Variants in SSX2IP observed in about 807,000 individuals in gnomAD.
SSX2IP encodes afadin- and alpha-actinin-binding protein.
In SSX2IP, 55 loss-of-function variants were observed where a neutral mutation model predicts 84.9. That is an observed-to-expected ratio of 0.65 (90% confidence interval 0.52 to 0.81). SSX2IP has a LOEUF of 0.81. Among genes scored for constraint, SSX2IP ranks in the 30% least tolerant of loss-of-function variants. The pLI, the probability that SSX2IP is intolerant of heterozygous loss-of-function variation, is 0.00. For missense variants in SSX2IP, 664 were observed against 705.2 expected (o/e 0.94, Z 0.66); for synonymous variants, 239 against 234.7 (o/e 1.02, Z -0.17).
intron 1 of SSX2IP, among the ~76,000 whole-genome samples, chr1:84,676,471 T>C (rs143375977): frequency 6.6e-6 from 1 of 152,306 alleles, no homozygotes; most frequent in East Asian, 1.9e-4. Flanking sequence ...TATGTCACTA[T>C]GGGTTGCAAA....
intron 5 of SSX2IP, among the ~76,000 whole-genome samples, chr1:84,665,636 C>T (rs1049308389): frequency 6.6e-6 from 1 of 152,116 alleles, no homozygotes; most frequent in African/African-American, 2.4e-5. Flanking sequence ...AAGCAGAAAT[C>T]AGAATTGTAT....
rs1339894248 is a variant in SSX2IP at position 84,666,158 on chromosome 1, C to G, written c.501G>C (p.Arg167Ser). ...ERDRQLQCKN[R>S]NLHQLLKNEK... Reference sequence around the variant, plus strand: ...CATTCTTTAGTAGCTGATGCAAATTCCTGTTCTTACATTGTAACTGTCTGT... The same window carrying G: ...CATTCTTTAGTAGCTGATGCAAATTGCTGTTCTTACATTGTAACTGTCTGT... The change falls in exon 5 of 14, where the codon AGG becomes AGC. Residue 167 changes from arginine to serine, a missense_variant. Arg to Ser is a moderately radical substitution (Grantham distance 110, BLOSUM62 -1). Transcript: ENST00000342203. 6.2e-7 allele frequency: 1 copy of G among 1,612,394 alleles called. No individual in the cohort carries two copies.
chr1:84,659,522 G>A lies in SSX2IP; in HGVS notation c.928-1054C>T, dbSNP rs191723500. 7.6e-4 allele frequency among the ~76,000 whole-genome samples: 115 copies of A among 152,238 alleles called. 1 individual carries two copies. The highest frequency in any genetic ancestry group is 3.4e-3 in the Middle Eastern group (1 of 294). On this transcript the variant is annotated intron_variant, in intron 8 of 13. Transcript: ENST00000342203. ...CTGTTAGAAAAATTATTGGCCGGGC[G>A]CGGTGGCTCATGCCTGTATGTAATC...
intron 2 of SSX2IP, 32 bp from the exon 3 acceptor site, chr1:84,670,847 T>C (rs1318276371): frequency 6.5e-7 from 1 of 1,541,716 alleles, no homozygotes; most frequent in Non-Finnish European, 8.8e-7. Flanking sequence ...ATATAAATAA[T>C]TTAGAAAAAC....
In SSX2IP at chr1:84,662,393, A is replaced by G. The variant is rs1398254214; in HGVS notation, c.750-18T>C. On this transcript the variant is annotated intron_variant, in intron 7 of 13. Coordinates refer to ENST00000342203, the MANE Select transcript of SSX2IP (RefSeq NM_001166293.2). ...CTTCATTCCTGAGAAAGAAACTGTC[A>G]GTATGAAAATGCAGGATAGAAGGAA... 1.9e-6 allele frequency: 3 copies of G among 1,606,736 alleles called. No homozygotes were observed. In the Admixed American group the frequency reaches 5.1e-5, roughly 27 times the overall value.
intron 6 of SSX2IP, among the ~76,000 whole-genome samples, chr1:84,663,769 C>T (rs2102348965): frequency 6.6e-6 from 1 of 152,332 alleles, no homozygotes. Context: ...TAAATACACA[C>T]ACTTCTTGTG....
At chr1:84,651,365 A>C (rs1193022990) in intron 12 of SSX2IP, among the ~76,000 whole-genome samples, 3 of 152,114 alleles carry the variant, frequency 2.0e-5, no homozygotes, top group African/African-American at 4.8e-5. Flanking sequence ...ACAAACTCAC[A>C]ACAAAAGTTA....
chr1:84,676,719 C>CTTTTTTTT (rs61017474), intron 1 of SSX2IP, among the ~76,000 whole-genome samples: 3,323 of 99,372 alleles, frequency 0.033, 251 homozygotes, highest in East Asian at 0.11. Context: ...TGCTCTTTTC[C>CTTTTTTTT]TTTTTTTTTT....
intron 9 of SSX2IP, 149 bp downstream of exon 9, chr1:84,658,169 A>G (rs1651403469): frequency 1.3e-6 from 1 of 762,708 alleles, no homozygotes. Context: ...AAATGAAAAA[A>G]TAAATGTATG....
chr1:84,662,220 C>T lies in SSX2IP; in HGVS notation c.905G>A (p.Arg302Lys), dbSNP rs1280015641. The change falls in exon 8 of 14, where the codon AGA becomes AAA. Residue 302 changes from arginine to lysine, a missense_variant. Physicochemically the swap from Arg to Lys is conservative, Grantham distance 26 (BLOSUM62 2). Transcript: ENST00000342203. ...LSPQKKKPRE[R>K]VDDSTGTVIS... ...TACAGTTCCTGTACTATCATCTACTCTTTCTCTAGGTTTCTTCTTTTGGGG... is the reference window on the plus strand; with the variant it reads ...TACAGTTCCTGTACTATCATCTACTTTTTCTCTAGGTTTCTTCTTTTGGGG... The T allele has an allele frequency of 1.3e-6, 2 of 1,598,170 alleles. No homozygotes were observed. Among genetic ancestry groups the T allele is most frequent in the African/African-American group, 2.7e-5 (2 of 73,762 alleles).
chr1:84,651,737 CA>C (rs894961349), intron 12 of SSX2IP, 145 bp downstream of exon 12: 48 of 562,970 alleles, frequency 8.5e-5, no homozygotes, highest in South Asian at 1.2e-4. Context: ...CAAAAACAAA[CA>C]AAAAAAAGTT....
chr1:84,670,536 G>A (rs1340694947), intron 3 of SSX2IP, 110 bp downstream of exon 3: 3 of 680,412 alleles, frequency 4.4e-6, no homozygotes, highest in Non-Finnish European at 6.8e-6. Context: ...AAGTCTCAGG[G>A]GCACTACATA....
intron 1 of SSX2IP, among the ~76,000 whole-genome samples, chr1:84,676,815 C>CGGGTTCA (rs1557519542): frequency 1.3e-5 from 2 of 150,588 alleles, no homozygotes; most frequent in East Asian, 3.9e-4. Context: ...CTCAGCCTCC[C>CGGGTTCA]GGGTTCAAGC....
rs556635916 is a variant in SSX2IP, at chr1:84,676,753, C to T, written c.-89-5445G>A. The stretch of plus-strand genomic sequence containing the variant: ...TTTTTTTTTTTTTGAAACGGAGTCT[C>T]GCTCTGTCACCCAGGCTGGAGTACA... On this transcript the variant is annotated intron_variant, in intron 1 of 13. Transcript: ENST00000342203. Among the ~76,000 whole-genome samples, 8 of 103,814 alleles carry T rather than the reference C, an allele frequency of 7.7e-5. No homozygotes were observed. The East Asian group carries it at 1.0e-3, about 13-fold the overall frequency. 68.1% of individuals were successfully genotyped at this position (103,814 alleles called of 152,430 possible). A position where few individuals can be genotyped will look rare whatever the true frequency, so the allele number is the denominator to read the frequency against.
intron 1 of SSX2IP, among the ~76,000 whole-genome samples, chr1:84,689,102 G>T (rs1656215799): frequency 6.6e-6 from 1 of 152,198 alleles, no homozygotes; most frequent in African/African-American, 2.4e-5. Context: ...ATAGTTTTAG[G>T]ATAAGAGATC....
intron 1 of SSX2IP, among the ~76,000 whole-genome samples, chr1:84,681,095 T>C (rs1186717644): frequency 6.6e-6 from 1 of 152,178 alleles, no homozygotes; most frequent in Non-Finnish European, 1.5e-5. Flanking sequence ...GTCAATTATG[T>C]AAGGGAAATA....
At chr1:84,682,357 C>A (rs1004389626) in intron 1 of SSX2IP, among the ~76,000 whole-genome samples, 1 of 152,132 alleles carries the variant, frequency 6.6e-6, no homozygotes, top group African/African-American at 2.4e-5. Context: ...TTGAACCGGT[C>A]ATAATTTCTT....
Position 84,671,189 on chromosome 1 carries a change from C to G in SSX2IP, c.31G>C (p.Gly11Arg), listed in dbSNP as rs1653524030. The change falls in exon 2 of 14, where the codon GGT (glycine) becomes CGT (arginine). Residue 11 changes from glycine to arginine, a missense_variant. Gly to Arg is a moderately radical substitution (Grantham distance 125, BLOSUM62 -2). Transcript: ENST00000342203. The part of the protein sequence containing the change: MGDWMTVTDP[G>R]LSSESKTISQ... ...TAGACTTAATTACCTGAAGACAGAC[C>G]TGGATCTGTAACAGTCATCCAATCT... 1 of 1,611,348 alleles carries G rather than the reference C, an allele frequency of 6.2e-7. No homozygotes were observed. The highest frequency in any genetic ancestry group is 1.3e-5 in the African/African-American group (1 of 74,896).
intron 1 of SSX2IP, chr1:84,680,393 A>G (rs1449625681): frequency 6.6e-6 from 1 of 152,196 alleles, no homozygotes; most frequent in African/African-American, 2.4e-5. Context: ...CTCATCTGCA[A>G]AAGGAGAGTA....
Sources: gnomAD v4.1 joint callset for allele counts (sites outside exome capture counted in the v4.1 genomes callset) on GRCh38, gnomAD v4.1.1 for gene constraint, MANE v1.5 for transcripts, NCBI Gene and HGNC (gene_info 2026-07-23, HGNC 2026-07-21) for gene names.